The following CSMD2 variants were observed in gnomAD, a reference collection of about 807,000 sequenced individuals.
CSMD2 encodes CUB and Sushi multiple domains 2.
In CSMD2, 130 loss-of-function variants were observed where a neutral mutation model predicts 398.5. The ratio of observed to expected loss-of-function variants is 0.33; its 90% CI spans 0.28 to 0.38. CSMD2 has a LOEUF of 0.38. CSMD2 is among the 10% of genes least tolerant of loss of function. The pLI is 1.00. For synonymous variants in CSMD2, 1,828 were observed against 1,908.5 expected (o/e 0.96, Z 1.10); for missense variants, 3,829 against 4,764.9 (o/e 0.80, Z 5.78).
chr1:33,561,347 G>A (rs1459425309), intron 53 of CSMD2, among the ~76,000 whole-genome samples: 1 of 152,178 alleles, frequency 6.6e-6, no homozygotes, highest in African/African-American at 2.4e-5. Context: ...CCAGGATTTC[G>A]GCTCAGCTCT....
chr1:33,608,146 G>A (rs929766796), intron 41 of CSMD2, among the ~76,000 whole-genome samples: 3 of 152,078 alleles, frequency 2.0e-5, no homozygotes, highest in African/African-American at 4.8e-5. Flanking sequence ...GGGGAATCAG[G>A]GGCGAGTGAG....
intron 13 of CSMD2, among the ~76,000 whole-genome samples, chr1:33,763,017 A>G (rs914541149): frequency 6.6e-5 from 10 of 152,206 alleles, no homozygotes; most frequent in Admixed American, 1.3e-4. Context: ...GGAGACTACA[A>G]TCATCCTAAT....
chr1:34,037,773 A>G (rs1179491198), intron 2 of CSMD2, among the ~76,000 whole-genome samples: 1 of 152,154 alleles, frequency 6.6e-6, no homozygotes, highest in African/African-American at 2.4e-5. Flanking sequence ...TCCTCTCACT[A>G]AGCAGAAATT....
At chr1:33,597,516 G>A (rs891687215) in intron 44 of CSMD2, among the ~76,000 whole-genome samples, 1 of 152,198 alleles carries the variant, frequency 6.6e-6, no homozygotes, top group African/African-American at 2.4e-5. Flanking sequence ...CACAGGAAAG[G>A]ATGCTCTGCC....
chr1:33,991,272 GC>G (rs1417964813), intron 3 of CSMD2, among the ~76,000 whole-genome samples: 1 of 152,096 alleles, frequency 6.6e-6, no homozygotes, highest in African/African-American at 2.4e-5. Context: ...CTCCCAAAGT[GC>G]TGGGATTACA....
chr1:33,667,827 C>T (rs1052991245), intron 25 of CSMD2, among the ~76,000 whole-genome samples: 1 of 152,138 alleles, frequency 6.6e-6, no homozygotes, highest in Non-Finnish European at 1.5e-5. Flanking sequence ...AAAGTTCAAG[C>T]CCCTTTCGGC....
In CSMD2 at chr1:33,837,724, C is replaced by T. The variant is rs116889487; in HGVS notation, c.1033+9160G>A. On this transcript the variant is annotated intron_variant, in intron 6 of 70. Coordinates refer to ENST00000373381, the MANE Select transcript of CSMD2 (RefSeq NM_001281956.2). Reference sequence around the variant, plus strand: ...ATACACATCATACATATATTCTGTGCATGGTTTTCACTGTATGTGAACAAA... The same window carrying T: ...ATACACATCATACATATATTCTGTGTATGGTTTTCACTGTATGTGAACAAA... 2.3e-4 allele frequency among the ~76,000 whole-genome samples: 35 copies of T among 152,338 alleles called. No individual in the cohort carries two copies. The East Asian group carries it at 6.6e-3, about 29-fold the overall frequency.
At chr1:33,955,405 G>C (rs896357618) in intron 3 of CSMD2, among the ~76,000 whole-genome samples, 1 of 152,006 alleles carries the variant, frequency 6.6e-6, no homozygotes, top group African/African-American at 2.4e-5. Context: ...ATAATTACCC[G>C]CGTGTCCCTT....
chr1:33,623,331 A>C, intron 36 of CSMD2, 39 bp downstream of exon 36: 3 of 1,305,592 alleles, frequency 2.3e-6, no homozygotes, highest in Non-Finnish European at 3.3e-6. Flanking sequence ...GAGCTCTAGT[A>C]CTACCCTCCA....
At position 33,846,868 on chromosome 1, in the gene CSMD2, C is replaced by A; in HGVS notation, c.1033+16G>T. 1 of 1,569,188 alleles carries A rather than the reference C, an allele frequency of 6.4e-7. No individual in the cohort carries two copies. The stretch of plus-strand genomic sequence containing the variant: ...CTGCCCACTGAGGAAGCCAGACAGT[C>A]CTGGGACCTGCCTACCTTGGTATTG... On this transcript the variant is annotated intron_variant, in intron 6 of 70. Coordinates refer to ENST00000373381, the MANE Select transcript of CSMD2 (RefSeq NM_001281956.2).
intron 9 of CSMD2, among the ~76,000 whole-genome samples, chr1:33,814,858 C>T (rs930130536): frequency 6.6e-6 from 1 of 152,054 alleles, no homozygotes; most frequent in Non-Finnish European, 1.5e-5. Flanking sequence ...CATCATAGGC[C>T]CCTCTAGCCT....
chr1:34,160,252 T>C (rs1322972971), intron 1 of CSMD2, among the ~76,000 whole-genome samples: 1 of 152,206 alleles, frequency 6.6e-6, no homozygotes, highest in Non-Finnish European at 1.5e-5. Flanking sequence ...GCCCTAGATA[T>C]GGTGGGCACT....
intron 21 of CSMD2, 34 bp downstream of exon 21, chr1:33,714,553 T>C (rs758586195): frequency 1.6e-5 from 25 of 1,607,344 alleles, no homozygotes; most frequent in Non-Finnish European, 1.5e-5. Context: ...CCCACCCCAT[T>C]AGTGAAGCAA....
At chr1:33,932,071 C>T (rs1644330562) in intron 4 of CSMD2, among the ~76,000 whole-genome samples, 1 of 152,128 alleles carries the variant, frequency 6.6e-6, no homozygotes, top group Admixed American at 6.5e-5. Flanking sequence ...ATGTAAGATG[C>T]CCTGAGGGGT....
rs1359967170 is a variant in CSMD2 at position 33,633,328 on chromosome 1, T to C, written c.5200+94A>G. The C allele has an allele frequency of 2.2e-6, 2 of 898,762 alleles. No individual in the cohort carries two copies. Among genetic ancestry groups the C allele is most frequent in the Non-Finnish European group, 1.8e-6 (1 of 561,232 alleles). The allele number at this position is 898,762 out of a possible 1,614,324, so 55.7% of individuals were successfully genotyped here. On this transcript the variant is annotated intron_variant, in intron 32 of 70. Transcript: ENST00000373381. The surrounding 1 kb of genome is among the most constrained non-coding windows in gnomAD (Gnocchi z 5.0). ...GCACGCAGAGCCGTAGGGTTCCACC[T>C]GCGGCCATGGGGTGCTTCTAGAGCC...
At chr1:33,610,945 TTC>T (rs1359731877) in intron 41 of CSMD2, 94 bp downstream of exon 41, 1 of 1,219,936 alleles carries the variant, frequency 8.2e-7, no homozygotes, top group African/African-American at 1.5e-5. Context: ...CCTTATGGTG[TTC>T]TGTTTTCCCC....
chr1:33,557,502 A>G (rs1381700620), intron 55 of CSMD2, among the ~76,000 whole-genome samples: 3 of 152,186 alleles, frequency 2.0e-5, no homozygotes, highest in African/African-American at 7.2e-5. Context: ...TCTAGCTAGG[A>G]AAGTGAGAAC....
chr1:34,047,784 C>A (rs755034922), intron 2 of CSMD2, among the ~76,000 whole-genome samples: 3 of 152,086 alleles, frequency 2.0e-5, no homozygotes, highest in African/African-American at 7.2e-5. Context: ...TGGTAGGATA[C>A]GGAGGTCATC....
At chr1:33,920,870 CAG>C (rs1271520531) in intron 4 of CSMD2, among the ~76,000 whole-genome samples, 28 of 152,186 alleles carry the variant, frequency 1.8e-4, no homozygotes, top group Admixed American at 1.8e-3. Context: ...GAGACATAGT[CAG>C]AGTCTGGCTT....
Sources: gnomAD v4.1 joint callset for allele counts (sites outside exome capture counted in the v4.1 genomes callset) on GRCh38, gnomAD v4.1.1 for gene constraint, Gnocchi (gnomAD v3.1) non-coding constraint, MANE v1.5 for transcripts, NCBI Gene and HGNC (gene_info 2026-07-23, HGNC 2026-07-21) for gene names.